CFAP54: variants seen among roughly 807,000 people sequenced by gnomAD.
CFAP54 encodes the protein cilia and flagella associated protein 54, also known as cilia- and flagella-associated protein 54.
A neutral mutation model predicts 370.4 loss-of-function variants in CFAP54; 290 were observed. That is an observed-to-expected ratio of 0.78 (90% confidence interval 0.71 to 0.86). The LOEUF is 0.86. CFAP54 is among the 40% of genes least tolerant of loss of function. The probability of loss-of-function intolerance (pLI) is 0.00; values close to 1 mark genes in which losing one functional copy is unlikely to be tolerated. For missense variants in CFAP54, 3,399 were observed against 3,528.7 expected, an observed-to-expected ratio of 0.96 and a Z score of 0.93; for synonymous variants, 1,206 against 1,236.5, an observed-to-expected ratio of 0.98 and a Z score of 0.52.
At chr12:96,575,966 TA>T (rs1955971211) in intron 19 of CFAP54, among the ~76,000 whole-genome samples, 1 of 152,140 alleles carries the variant, frequency 6.6e-6, no homozygotes, top group Non-Finnish European at 1.5e-5. Flanking sequence ...ATTGCTTATG[TA>T]TTTAGCCCTA....
At chr12:96,576,392 C>A (rs552422193) in intron 19 of CFAP54, among the ~76,000 whole-genome samples, 193 bp from the exon 20 acceptor site, 1 of 150,660 alleles carries the variant, frequency 6.6e-6, no homozygotes, top group African/African-American at 2.4e-5. Context: ...CATGATTAAC[C>A]TTATCTAGTA....
chr12:96,594,021 C>T (rs2136436851), intron 24 of CFAP54, among the ~76,000 whole-genome samples: 1 of 151,822 alleles, frequency 6.6e-6, no homozygotes, highest in South Asian at 2.1e-4. Flanking sequence ...AAAAATATAG[C>T]CAAGTTTTTA....
At chr12:96,863,953 C>T (rs572226254) in intron 67 of CFAP54, among the ~76,000 whole-genome samples, 9 of 152,266 alleles carry the variant, frequency 5.9e-5, no homozygotes, top group African/African-American at 2.2e-4. Flanking sequence ...AATTCCCCAT[C>T]TTTTCTAAAA....
intron 17 of CFAP54, among the ~76,000 whole-genome samples, chr12:96,559,454 A>G (rs80323238): frequency 1.2e-3 from 181 of 152,272 alleles, no homozygotes; most frequent in African/African-American, 3.9e-3. Flanking sequence ...CCAACTTTTT[A>G]TTTAACAATT....
chr12:96,676,214 A>G (rs1047822187), intron 39 of CFAP54, among the ~76,000 whole-genome samples: 6 of 152,194 alleles, frequency 3.9e-5, no homozygotes, highest in Non-Finnish European at 1.5e-5. Flanking sequence ...CCTCTGAGCC[A>G]TCCTGATTTT....
At chr12:96,527,570 T>C (rs1346266952) in intron 9 of CFAP54, 126 bp downstream of exon 9, 2 of 608,772 alleles carry the variant, frequency 3.3e-6, no homozygotes, top group South Asian at 3.4e-5. Flanking sequence ...TTTGTTTGGT[T>C]GTTTGTTTGT....
At chr12:96,604,392 C>T (rs1188535089) in intron 26 of CFAP54, among the ~76,000 whole-genome samples, 1 of 152,234 alleles carries the variant, frequency 6.6e-6, no homozygotes, top group Non-Finnish European at 1.5e-5. Context: ...AGGTGTCTCC[C>T]AGTCAGGTTA....
chr12:96,679,546 C>A, intron 39 of CFAP54, 54 bp from the exon 40 acceptor site: 1 of 1,537,048 alleles, frequency 6.5e-7, no homozygotes, highest in Non-Finnish European at 8.8e-7. Flanking sequence ...CTGGCTCTTA[C>A]CTTGGCTTGG....
Position 96,489,688 on chromosome 12 carries a change from A to G in CFAP54, c.79A>G (p.Thr27Ala), listed in dbSNP as rs1253849813. 1 of 1,534,824 alleles carries G rather than the reference A, an allele frequency of 6.5e-7. No homozygotes were observed. The highest frequency in any genetic ancestry group is 8.7e-7 in the Non-Finnish European group (1 of 1,146,550). ...TSGSLPELPP[T>A]STATSRSPPE... ...GGGGTCTCTGCCAGAACTGCCGCCG[A>G]CCTCCACCGCGACTTCGAGGTCGCC... The change falls in exon 1 of 68, where the codon ACC (threonine) becomes GCC (alanine). Residue 27 changes from threonine to alanine, a missense_variant. Thr to Ala is a moderately conservative substitution (Grantham distance 58, BLOSUM62 0). Coordinates refer to ENST00000524981, the MANE Select transcript of CFAP54 (RefSeq NM_001306084.2).
intron 63 of CFAP54, among the ~76,000 whole-genome samples, chr12:96,806,877 G>A (rs1161746131): frequency 6.6e-6 from 1 of 152,144 alleles, no homozygotes; most frequent in Non-Finnish European, 1.5e-5. Context: ...GCGACTCAAA[G>A]TGTGGCTGAG....
rs574251469 is a variant in CFAP54, at chr12:96,780,860, C to A, written c.8282-3857C>A. Among the ~76,000 whole-genome samples, 13 of 152,168 alleles carry A rather than the reference C, an allele frequency of 8.5e-5. No individual in the cohort carries two copies. In the Middle Eastern group the frequency reaches 0.01, roughly 119 times the overall value. On this transcript the variant is annotated intron_variant, in intron 60 of 67. Coordinates refer to ENST00000524981, the MANE Select transcript of CFAP54 (RefSeq NM_001306084.2). ...GATGCTAGAAAGCCACAGAGCAAGGCCTTTGAATTTAAGGGAAAAATGAGT... is the reference window on the plus strand; with the variant it reads ...GATGCTAGAAAGCCACAGAGCAAGGACTTTGAATTTAAGGGAAAAATGAGT...
chr12:96,710,700 C>A (rs1338402830), intron 48 of CFAP54, among the ~76,000 whole-genome samples: 1 of 151,564 alleles, frequency 6.6e-6, no homozygotes, highest in Non-Finnish European at 1.5e-5. Context: ...GCTCTTGTCA[C>A]CCAGGCTGGA....
At chr12:96,606,863 G>A (rs568570809) in intron 26 of CFAP54, among the ~76,000 whole-genome samples, 1 of 152,288 alleles carries the variant, frequency 6.6e-6, no homozygotes, top group South Asian at 2.1e-4. Flanking sequence ...GGCTTTCATT[G>A]ACAGAATCCA....
intron 26 of CFAP54, among the ~76,000 whole-genome samples, chr12:96,616,234 C>G (rs1186279498): frequency 6.6e-6 from 1 of 152,142 alleles, no homozygotes; most frequent in African/African-American, 2.4e-5. Context: ...AAGCTGGAAA[C>G]CATCATTCTC....
chr12:96,652,027 A>G (rs1448254841), intron 36 of CFAP54, among the ~76,000 whole-genome samples: 2 of 152,194 alleles, frequency 1.3e-5, no homozygotes, highest in Non-Finnish European at 2.9e-5. Flanking sequence ...GTTATAGGGA[A>G]GGGAAAGTAA....
At chr12:96,520,970 A>G (rs1442786054) in intron 6 of CFAP54, among the ~76,000 whole-genome samples, 1 of 152,230 alleles carries the variant, frequency 6.6e-6, no homozygotes, top group African/African-American at 2.4e-5. Context: ...AGCTCAAGAT[A>G]CATTCCAGAA....
chr12:96,719,990 A>G (rs1262925951), intron 49 of CFAP54, among the ~76,000 whole-genome samples: 1 of 152,226 alleles, frequency 6.6e-6, no homozygotes. Flanking sequence ...ATCCTTAGCC[A>G]TAAACACACA....
intron 36 of CFAP54, 73 bp from the exon 37 acceptor site, chr12:96,657,809 C>A: frequency 9.7e-7 from 1 of 1,034,044 alleles, no homozygotes; most frequent in South Asian, 1.5e-5. Flanking sequence ...ATTTTTATTA[C>A]ATTCAGTTTT....
intron 9 of CFAP54, among the ~76,000 whole-genome samples, chr12:96,532,924 C>T (rs1592835906): frequency 1.3e-5 from 2 of 152,000 alleles, no homozygotes; most frequent in East Asian, 1.9e-4. Context: ...ACTGGGCCTC[C>T]GTGTTTTCTT....
Sources: gnomAD v4.1 joint callset for allele counts (sites outside exome capture counted in the v4.1 genomes callset) on GRCh38, gnomAD v4.1.1 for gene constraint, MANE v1.5 for transcripts, NCBI Gene and HGNC (gene_info 2026-07-23, HGNC 2026-07-21) for gene names.